The following TENM2 variants were observed in gnomAD, a reference collection of about 807,000 sequenced individuals.
TENM2 encodes teneurin-2.
In TENM2, 52 loss-of-function variants were observed where a neutral mutation model predicts 245.2. The observed-to-expected ratio is 0.21, with a 90% CI of 0.17 to 0.27. TENM2 has a LOEUF of 0.27. TENM2 is among the 10% of genes least tolerant of loss of function. The pLI is 1.00. For missense variants in TENM2, 3,046 were observed against 3,666.8 expected, an observed-to-expected ratio of 0.83 and a Z score of 4.37; for synonymous variants, 1,363 against 1,438.9, an observed-to-expected ratio of 0.95 and a Z score of 1.19.
chr5:167,816,211 G>T (rs1364744928), intron 2 of TENM2, among the ~76,000 whole-genome samples: 2 of 152,086 alleles, frequency 1.3e-5, no homozygotes, highest in Non-Finnish European at 2.9e-5. Context: ...GGAGGGGAAG[G>T]TGTGGGGAAC....
intron 7 of TENM2, among the ~76,000 whole-genome samples, chr5:168,078,912 G>GGCTCTTT (rs1791722293): frequency 6.6e-6 from 1 of 152,132 alleles, no homozygotes; most frequent in South Asian, 2.1e-4. Context: ...TGGCAATGTG[G>GGCTCTTT]GCTCTTTTTT....
chr5:168,158,829 G>GTGTGTATATATATATA (rs1397260649), intron 12 of TENM2, among the ~76,000 whole-genome samples: 2 of 63,718 alleles, frequency 3.1e-5, no homozygotes, highest in African/African-American at 1.2e-4. Context: ...GTGTGTGTGT[G>GTGTGTATATATATATA]TATATATATA....
the TENM2 span, among the ~76,000 whole-genome samples, chr5:167,139,993 C>G: frequency 6.6e-6 from 1 of 152,134 alleles, no homozygotes; most frequent in African/African-American, 2.4e-5. Flanking sequence ...TTACTCTTTC[C>G]TTTTTGCAGA....
intron 2 of TENM2, among the ~76,000 whole-genome samples, chr5:167,483,603 G>A (rs2127532222): frequency 6.6e-6 from 1 of 152,242 alleles, no homozygotes; most frequent in Middle Eastern, 3.4e-3. Context: ...GCCACTATTA[G>A]TTTTTAGTCA....
intron 1 of TENM2, among the ~76,000 whole-genome samples, chr5:167,302,142 T>A (rs1367196608): frequency 6.6e-6 from 1 of 152,270 alleles, no homozygotes; most frequent in Middle Eastern, 3.4e-3. Context: ...ATCAGGCACC[T>A]CAGACCGTTT....
chr5:167,699,044 GA>G (rs1435862632), intron 2 of TENM2, among the ~76,000 whole-genome samples: 1 of 151,974 alleles, frequency 6.6e-6, no homozygotes, highest in Non-Finnish European at 1.5e-5. Context: ...TTAGAACTGA[GA>G]ATTAATTCTA....
At chr5:167,783,599 G>T (rs1442874712) in intron 2 of TENM2, among the ~76,000 whole-genome samples, 1 of 152,208 alleles carries the variant, frequency 6.6e-6, no homozygotes, top group Non-Finnish European at 1.5e-5. Context: ...TGCCAAAGCA[G>T]CTCCTCTGTT....
At chr5:168,006,867 T>C (rs770851230) in intron 5 of TENM2, among the ~76,000 whole-genome samples, 9 of 152,212 alleles carry the variant, frequency 5.9e-5, no homozygotes, top group Non-Finnish European at 1.3e-4. Flanking sequence ...CTTAAACTTC[T>C]ATCTGTCCGT....
chr5:167,019,417 G>C, the TENM2 span, among the ~76,000 whole-genome samples: 1 of 152,148 alleles, frequency 6.6e-6, no homozygotes, highest in East Asian at 1.9e-4. Context: ...ATTTGGACCT[G>C]TTCATGGAGG....
intron 1 of TENM2, among the ~76,000 whole-genome samples, chr5:167,360,041 G>A (rs1005606316): frequency 4.6e-5 from 7 of 152,164 alleles, no homozygotes; most frequent in Non-Finnish European, 1.0e-4. Flanking sequence ...TGGGAGGAGC[G>A]AGGAGCAGAC....
At chr5:168,193,019 G>C (rs1244011680) in intron 14 of TENM2, among the ~76,000 whole-genome samples, 1 of 152,158 alleles carries the variant, frequency 6.6e-6, no homozygotes, top group African/African-American at 2.4e-5. Context: ...CCTTGAGCTA[G>C]AGCCAAAATA....
Position 168,218,501 on chromosome 5 carries a change from A to C in TENM2, c.4610A>C (p.Tyr1537Ser). Residue 1537 changes from tyrosine (Y) to serine (S), a missense_variant, in exon 23 of 29, where the codon TAC becomes TCC. Transcript: ENST00000518659. The surrounding 1 kb of genome is among the most constrained non-coding windows in gnomAD (Gnocchi z 5.2). ...AACTGCTATTCAGGAGATGATGCCT[A>C]CGCGACTGATGCCATCTTGAATTCC... 1 of 1,614,054 alleles carries C rather than the reference A, an allele frequency of 6.2e-7. No homozygotes were observed. Among genetic ancestry groups the C allele is most frequent in the Non-Finnish European group, 8.5e-7 (1 of 1,179,906 alleles).
intron 2 of TENM2, among the ~76,000 whole-genome samples, chr5:167,444,154 A>G (rs1765021475): frequency 6.6e-6 from 1 of 152,162 alleles, no homozygotes; most frequent in Non-Finnish European, 1.5e-5. Flanking sequence ...TTTTAATAGC[A>G]TGTCTTTGTC....
chr5:167,233,837 G>A, the TENM2 span, among the ~76,000 whole-genome samples: 1 of 151,998 alleles, frequency 6.6e-6, no homozygotes, highest in East Asian at 1.9e-4. Flanking sequence ...CTCAATGTAT[G>A]TATGACAGGC....
the TENM2 span, among the ~76,000 whole-genome samples, chr5:167,155,172 T>C: frequency 6.6e-6 from 1 of 152,220 alleles, no homozygotes; most frequent in Non-Finnish European, 1.5e-5. Context: ...AGGCGCAGTG[T>C]AGAGGATGAA....
the TENM2 span, among the ~76,000 whole-genome samples, chr5:167,181,461 C>CTTTTTTTTTTTTT: frequency 1.1e-5 from 1 of 88,452 alleles, no homozygotes; most frequent in Non-Finnish European, 2.2e-5. Flanking sequence ...TAGGGAGCCG[C>CTTTTTTTTTTTTT]TCGTTTGTGT....
intron 5 of TENM2, among the ~76,000 whole-genome samples, chr5:168,041,139 G>A (rs1342921104): frequency 6.6e-6 from 1 of 152,152 alleles, no homozygotes; most frequent in Non-Finnish European, 1.5e-5. Flanking sequence ...GGAGTCTCTA[G>A]GAGGACAGTA....
Position 168,241,754 on chromosome 5 carries a change from G to A in TENM2, c.5521-2666G>A, listed in dbSNP as rs530941905. ...AAGATAGTTTCTATGTCATGAAAGT[G>A]AAAATGGGATCAGGTATGTAAAGTA... On this transcript the variant is annotated intron_variant, in intron 25 of 28. Coordinates refer to ENST00000518659, the Ensembl canonical transcript of TENM2. Among the ~76,000 whole-genome samples the A allele has an allele frequency of 9.4e-4, 143 of 152,284 alleles. 1 individual carries two copies. Among genetic ancestry groups the A allele is most frequent in the African/African-American group, 3.3e-3 (139 of 41,562 alleles).
chr5:167,457,342 A>G (rs1196980657), intron 2 of TENM2, among the ~76,000 whole-genome samples: 1 of 121,446 alleles, frequency 8.2e-6, no homozygotes, highest in Admixed American at 8.5e-5. Flanking sequence ...ATTTTATTTT[A>G]TTTTATTTTT....
Sources: allele counts gnomAD v4.1 joint callset (sites outside exome capture counted in the v4.1 genomes callset), GRCh38; gene constraint gnomAD v4.1.1; non-coding constraint Gnocchi (gnomAD v3.1); transcripts MANE v1.5; gene names NCBI Gene and HGNC (gene_info 2026-07-23, HGNC 2026-07-21).